Variants in SERGEF observed in about 807,000 individuals in gnomAD.
SERGEF encodes secretion-regulating guanine nucleotide exchange factor.
In SERGEF, 51 loss-of-function variants were observed where a neutral mutation model predicts 50.0. The observed-to-expected ratio is 1.02, with a 90% CI of 0.81 to 1.29. SERGEF has a LOEUF of 1.29. SERGEF is among the 50% of genes most tolerant of loss of function. The pLI is 0.00. For missense variants in SERGEF, 521 were observed against 557.0 expected, an observed-to-expected ratio of 0.94 and a Z score of 0.65; for synonymous variants, 205 against 212.4, an observed-to-expected ratio of 0.97 and a Z score of 0.30.
intron 10 of SERGEF, among the ~76,000 whole-genome samples, chr11:17,876,258 G>A (rs1851234299): frequency 6.6e-6 from 1 of 152,164 alleles, no homozygotes; most frequent in Non-Finnish European, 1.5e-5. Context: ...CCAGGCACTG[G>A]GGATAAAATG....
intron 10 of SERGEF, among the ~76,000 whole-genome samples, chr11:17,842,706 C>T (rs1056268383): frequency 6.6e-6 from 1 of 152,220 alleles, no homozygotes; most frequent in African/African-American, 2.4e-5. Context: ...GACTGAAGCA[C>T]AGTAGGCACT....
rs1353655860 is a variant in SERGEF at position 17,963,243 on chromosome 11, A to T, written c.845-3607T>A. Among the ~76,000 whole-genome samples the T allele has an allele frequency of 2.0e-5, 3 of 149,454 alleles. No individual in the cohort carries two copies. The South Asian group carries it at 6.5e-4, about 32-fold the overall frequency. ...GGAGAGTGAATAAGGGTCACAAGAG[A>T]AGGAGACTAGAAAGGGAGTCAAGAT... On this transcript the variant is annotated intron_variant, in intron 8 of 10. Coordinates refer to ENST00000265965, the MANE Select transcript of SERGEF (RefSeq NM_012139.4).
intron 10 of SERGEF, among the ~76,000 whole-genome samples, chr11:17,875,303 A>G (rs939396105): frequency 6.6e-6 from 1 of 152,246 alleles, no homozygotes; most frequent in Non-Finnish European, 1.5e-5. Context: ...GGTAGTGCAG[A>G]GCCAAAGTTA....
Position 17,995,844 on chromosome 11 carries a change from G to A in SERGEF, c.574C>T (p.Gln192Ter). 6.2e-7 allele frequency: 1 copy of A among 1,613,996 alleles called. No homozygotes were observed. Among genetic ancestry groups the A allele is most frequent in the Non-Finnish European group, 8.5e-7 (1 of 1,179,954 alleles). The change falls in exon 6 of 11, where the codon CAG (glutamine) becomes TAG (stop). Residue 192 changes from glutamine (Q) to a stop codon, truncating the protein, a stop_gained. Transcript: ENST00000265965. LOFTEE classifies it high-confidence loss of function. ...ASCGRRLCPG[Q>*]TLPLFFTAKE... is the part of the protein sequence containing the mutation. ...GCTGTGAAAAACAATGGAAGAGTCT[G>A]CCCAGGGCACAACCGTCGTCCACAT...
At position 18,000,736 on chromosome 11, in the gene SERGEF, AT is replaced by A. The variant is rs757866805; in HGVS notation, c.448-180del. The A allele has an allele frequency of 7.0e-5, 49 of 703,814 alleles. No homozygotes were observed. The South Asian group carries it at 7.3e-4, about 11-fold the overall frequency. The allele number at this position is 703,814 out of a possible 1,614,324, so 43.6% of individuals were successfully genotyped here. A position where few individuals can be genotyped will look rare whatever the true frequency, so the allele number is the denominator to read the frequency against. On this transcript the variant is annotated intron_variant, in intron 4 of 10. Coordinates refer to ENST00000265965, the MANE Select transcript of SERGEF (RefSeq NM_012139.4). ...CTACATTTATCCCTAAAAGAAAAAAATATATCTTTTAAAATACCATATCACA... is the reference window on the plus strand; with the variant it reads ...CTACATTTATCCCTAAAAGAAAAAAAATATCTTTTAAAATACCATATCACA...
chr11:18,007,858 AG>A (rs1854114391), intron 2 of SERGEF, 82 bp downstream of exon 2: 2 of 1,348,436 alleles, frequency 1.5e-6, no homozygotes, highest in African/African-American at 1.5e-5. Context: ...AAAATACAAA[AG>A]GCTGAAAGAT....
intron 9 of SERGEF, among the ~76,000 whole-genome samples, chr11:17,924,210 T>G (rs1177348722): frequency 6.6e-6 from 1 of 152,224 alleles, no homozygotes; most frequent in Non-Finnish European, 1.5e-5. Context: ...TGGAATTATG[T>G]AATAAATAAT....
intron 10 of SERGEF, among the ~76,000 whole-genome samples, chr11:17,872,803 TAA>T (rs765780717): frequency 1.3e-5 from 2 of 152,116 alleles, no homozygotes; most frequent in African/African-American, 2.4e-5. Context: ...TATGTAACTG[TAA>T]AAAAAGAACT....
chr11:17,933,961 C>G (rs1048344274), intron 9 of SERGEF, among the ~76,000 whole-genome samples: 1 of 152,126 alleles, frequency 6.6e-6, no homozygotes, highest in Non-Finnish European at 1.5e-5. Flanking sequence ...CCTATGATGA[C>G]AGCCACAAGA....
chr11:17,916,105 G>T (rs1257257806), intron 9 of SERGEF, among the ~76,000 whole-genome samples: 1 of 152,176 alleles, frequency 6.6e-6, no homozygotes, highest in Non-Finnish European at 1.5e-5. Context: ...CCATCTGGAT[G>T]CAATGAAGAC....
chr11:17,805,333 G>C (rs968083180), intron 10 of SERGEF, among the ~76,000 whole-genome samples: 1 of 152,202 alleles, frequency 6.6e-6, no homozygotes, highest in Non-Finnish European at 1.5e-5. Context: ...CGGATCTGAT[G>C]GTTGATGTTC....
intron 10 of SERGEF, among the ~76,000 whole-genome samples, chr11:17,871,402 A>G (rs1851134458): frequency 6.8e-6 from 1 of 147,442 alleles, no homozygotes; most frequent in South Asian, 2.2e-4. Context: ...CGGAGCTTGC[A>G]GTGAACTGAG....
intron 10 of SERGEF, chr11:17,846,597 T>G (rs1159744717): frequency 2.3e-6 from 1 of 432,626 alleles, no homozygotes; most frequent in Non-Finnish European, 4.7e-6. Flanking sequence ...CCAGCATGGT[T>G]TGATGGTCTG....
chr11:18,008,514 ATGC>A (rs567140824), intron 1 of SERGEF, among the ~76,000 whole-genome samples: 240 of 152,340 alleles, frequency 1.6e-3, no homozygotes, highest in Non-Finnish European at 2.6e-3. Context: ...CAAAGCAGCA[ATGC>A]TAGCCATGGC....
At chr11:17,906,609 A>G (rs1175172571) in intron 9 of SERGEF, among the ~76,000 whole-genome samples, 1 of 152,166 alleles carries the variant, frequency 6.6e-6, no homozygotes, top group African/African-American at 2.4e-5. Context: ...CAGCCTCTGC[A>G]GGTACAGGAG....
At chr11:18,007,143 T>C (rs1854091223) in intron 2 of SERGEF, among the ~76,000 whole-genome samples, 1 of 152,382 alleles carries the variant, frequency 6.6e-6, no homozygotes, top group Admixed American at 6.5e-5. Flanking sequence ...GCTTAATTTT[T>C]AGTTATTTTT....
At chr11:17,894,886 A>G (rs2133913918) in intron 9 of SERGEF, among the ~76,000 whole-genome samples, 1 of 152,308 alleles carries the variant, frequency 6.6e-6, no homozygotes, top group East Asian at 1.9e-4. Context: ...GGCCTCCCAA[A>G]ACATCACAGG....
chr11:18,007,634 A>C (rs1327892824), intron 2 of SERGEF, among the ~76,000 whole-genome samples: 1 of 152,194 alleles, frequency 6.6e-6, no homozygotes, highest in East Asian at 1.9e-4. Context: ...CCTATGGTGT[A>C]AAATATACAT....
At chr11:17,927,447 G>A (rs924920180) in intron 9 of SERGEF, among the ~76,000 whole-genome samples, 1 of 152,190 alleles carries the variant, frequency 6.6e-6, no homozygotes, top group African/African-American at 2.4e-5. Context: ...ATGCAAGTAG[G>A]AAACCTTATT....
Sources: gnomAD v4.1 joint callset for allele counts (sites outside exome capture counted in the v4.1 genomes callset) on GRCh38, gnomAD v4.1.1 for gene constraint, MANE v1.5 for transcripts, NCBI Gene and HGNC (gene_info 2026-07-23, HGNC 2026-07-21) for gene names.